LCP1: variants seen among roughly 807,000 people sequenced by gnomAD.
LCP1 encodes the protein plastin-2.
In LCP1, 23 loss-of-function variants were observed where a neutral mutation model predicts 72.0. The observed-to-expected ratio is 0.32, with a 90% CI of 0.23 to 0.45. The LOEUF (loss-of-function observed/expected upper bound fraction) is 0.45. Among genes scored for constraint, LCP1 ranks in the 20% least tolerant of loss-of-function variants. The pLI, the probability that LCP1 is intolerant of heterozygous loss-of-function variation, is 1.00. For synonymous variants in LCP1, 245 were observed against 275.4 expected (o/e 0.89, Z 1.09); for missense variants, 571 against 748.3 (o/e 0.76, Z 2.76).
chr13:46,181,736 T>G (rs2045956908), intron 1 of LCP1, among the ~76,000 whole-genome samples: 1 of 152,242 alleles, frequency 6.6e-6, no homozygotes, highest in African/African-American at 2.4e-5. Flanking sequence ...AAATTATCAA[T>G]ACGCGCTTTT....
At chr13:46,128,326 C>T (rs756547970) in intron 15 of LCP1, among the ~76,000 whole-genome samples, 13 of 152,074 alleles carry the variant, frequency 8.5e-5, no homozygotes, top group South Asian at 4.2e-4. Context: ...TGGCCAGGCG[C>T]GGTGGCTCAC....
At chr13:46,174,848 A>AAAG (rs1555316993) in intron 1 of LCP1, among the ~76,000 whole-genome samples, 1 of 149,164 alleles carries the variant, frequency 6.7e-6, no homozygotes, top group African/African-American at 2.4e-5. Context: ...AAAAAAAAAA[A>AAAG]AAAGAAAAAA....
chr13:46,165,153 G>T lies in LCP1; in HGVS notation c.-24-5467C>A, dbSNP rs1316004358. Among the ~76,000 whole-genome samples the T allele has an allele frequency of 3.3e-5, 5 of 152,144 alleles. No individual in the cohort carries two copies. The East Asian group carries it at 7.7e-4, about 24-fold the overall frequency. ...GTTGGGAGGCCGAGGTGCACGGATT[G>T]CTTTGAGCTTAGGTGTTCGAGACCA... On this transcript the variant is annotated intron_variant, in intron 1 of 15. Coordinates refer to ENST00000323076, the MANE Select transcript of LCP1 (RefSeq NM_002298.5).
Position 46,126,755 on chromosome 13 carries a change from A to T in LCP1, c.*836T>A, listed in dbSNP as rs2045600839. The stretch of plus-strand genomic sequence containing the variant: ...CTCCATGCTGCCGCCGAGTGGCTTG[A>T]TGCTCCATTACACCCTCCTTGGATC... On this transcript the variant is annotated 3_prime_UTR_variant, in exon 16 of 16. Transcript: ENST00000323076. 1 of 231,268 alleles carries T rather than the reference A, an allele frequency of 4.3e-6. No individual in the cohort carries two copies. The highest frequency in any genetic ancestry group is 2.2e-5 in the African/African-American group (1 of 45,250). 14.3% of individuals were successfully genotyped at this position (231,268 alleles called of 1,614,324 possible). A position where few individuals can be genotyped will look rare whatever the true frequency, so the allele number is the denominator to read the frequency against.
intron 4 of LCP1, among the ~76,000 whole-genome samples, chr13:46,157,735 A>C (rs1425033599): frequency 6.8e-6 from 1 of 146,694 alleles, no homozygotes; most frequent in Admixed American, 6.8e-5. Context: ...TTTAATCATG[A>C]CTTATCTTTT....
chr13:46,153,063 C>G (rs1468845891), intron 6 of LCP1, 118 bp from the exon 7 acceptor site: 29 of 981,454 alleles, frequency 3.0e-5, no homozygotes, highest in Non-Finnish European at 4.1e-5. Flanking sequence ...GAGTCATGGT[C>G]TTCACTCATT....
chr13:46,165,845 G>A (rs572811520), intron 1 of LCP1, among the ~76,000 whole-genome samples: 25 of 152,222 alleles, frequency 1.6e-4, no homozygotes, highest in African/African-American at 5.5e-4. Context: ...TTTTGTGTGA[G>A]TGCATGTGAG....
intron 1 of LCP1, among the ~76,000 whole-genome samples, chr13:46,162,266 C>A: frequency 8.5e-6 from 1 of 117,066 alleles, no homozygotes; most frequent in South Asian, 3.5e-4. Flanking sequence ...CCTCCCCCTC[C>A]CTCCCCCTCC....
chr13:46,139,462 A>G (rs1254281184), intron 13 of LCP1, among the ~76,000 whole-genome samples: 1 of 152,280 alleles, frequency 6.6e-6, no homozygotes, highest in Non-Finnish European at 1.5e-5. Flanking sequence ...CTAAAGCTGC[A>G]GTGCCTAGGC....
chr13:46,129,789 C>T (rs934413268), intron 15 of LCP1, among the ~76,000 whole-genome samples: 2 of 152,024 alleles, frequency 1.3e-5, no homozygotes, highest in African/African-American at 4.8e-5. Flanking sequence ...GAAGTCTTAA[C>T]CCCCAGCACC....
At chr13:46,136,519 G>A (rs570555746) in intron 13 of LCP1, among the ~76,000 whole-genome samples, 1 of 152,284 alleles carries the variant, frequency 6.6e-6, no homozygotes, top group East Asian at 1.9e-4. Context: ...TAAGAAAGAT[G>A]TTTAGTCTGG....
chr13:46,173,333 G>T (rs7338612), intron 1 of LCP1, among the ~76,000 whole-genome samples: 1 of 152,046 alleles, frequency 6.6e-6, no homozygotes. Flanking sequence ...CAATCACACC[G>T]TTCATTTCAT....
intron 13 of LCP1, among the ~76,000 whole-genome samples, chr13:46,139,891 T>A (rs1048566721): frequency 4.6e-5 from 7 of 152,190 alleles, no homozygotes; most frequent in African/African-American, 1.7e-4. Context: ...CTGGCCATGA[T>A]GGAATAACAG....
intron 1 of LCP1, among the ~76,000 whole-genome samples, chr13:46,163,000 C>T (rs546588605): frequency 2.0e-5 from 3 of 148,330 alleles, no homozygotes; most frequent in Admixed American, 7.0e-5. Context: ...GCCGCCCCGT[C>T]GGGGAGGGAG....
At chr13:46,170,415 G>A (rs2045899239) in intron 1 of LCP1, among the ~76,000 whole-genome samples, 1 of 152,196 alleles carries the variant, frequency 6.6e-6, no homozygotes, top group East Asian at 1.9e-4. Context: ...GGGCTTCTTG[G>A]CACTGTTGCT....
intron 14 of LCP1, among the ~76,000 whole-genome samples, chr13:46,133,231 A>G (rs939176555): frequency 1.3e-5 from 2 of 152,212 alleles, no homozygotes; most frequent in African/African-American, 4.8e-5. Context: ...TACGAATACT[A>G]TCATAGTTTA....
intron 1 of LCP1, chr13:46,168,475 A>G (rs1439493897): frequency 6.6e-6 from 1 of 152,348 alleles, no homozygotes; most frequent in East Asian, 1.9e-4. Context: ...CAGCAGCACG[A>G]AAAGCTCTGT....
At chr13:46,145,866 G>A (rs1403539740) in intron 10 of LCP1, among the ~76,000 whole-genome samples, 1 of 58,662 alleles carries the variant, frequency 1.7e-5, no homozygotes, top group East Asian at 3.7e-4. Flanking sequence ...CCGAGATCCC[G>A]CCACTGCACT....
chr13:46,162,581 C>T (rs570797770), intron 1 of LCP1, among the ~76,000 whole-genome samples: 33 of 152,196 alleles, frequency 2.2e-4, no homozygotes, highest in Non-Finnish European at 3.8e-4. Flanking sequence ...GGATTGCAGG[C>T]GGAGTCTCGT....
Sources: allele counts gnomAD v4.1 joint callset (sites outside exome capture counted in the v4.1 genomes callset), GRCh38; gene constraint gnomAD v4.1.1; transcripts MANE v1.5; gene names NCBI Gene and HGNC (gene_info 2026-07-23, HGNC 2026-07-21).